Variants in CADPS2 observed in about 807,000 individuals in gnomAD.
The protein encoded by CADPS2 is calcium-dependent secretion activator 2.
In CADPS2, 93 loss-of-function variants were observed where a neutral mutation model predicts 172.5. That is an observed-to-expected ratio of 0.54 (90% CI 0.46 to 0.64). CADPS2 has a LOEUF of 0.64. CADPS2 is among the 30% of genes least tolerant of loss of function. CADPS2 has a pLI of 0.00. For missense variants in CADPS2, 1,420 were observed against 1,565.9 expected, an observed-to-expected ratio of 0.91 and a Z score of 1.57; for synonymous variants, 546 against 555.2, an observed-to-expected ratio of 0.98 and a Z score of 0.23.
chr7:122,640,390 ACT>A (rs1190100111), intron 3 of CADPS2, among the ~76,000 whole-genome samples: 2 of 151,590 alleles, frequency 1.3e-5, no homozygotes, highest in East Asian at 1.9e-4. Flanking sequence ...ATGGTTGGAA[ACT>A]CTGTCACAGT....
chr7:122,695,959 C>G (rs868798254), intron 2 of CADPS2, among the ~76,000 whole-genome samples: 2 of 151,018 alleles, frequency 1.3e-5, no homozygotes, highest in South Asian at 4.3e-4. Context: ...GGAACAAGTA[C>G]CCCACACAAG....
chr7:122,328,104 ACTG>A (rs1655141878), intron 28 of CADPS2, among the ~76,000 whole-genome samples: 2 of 149,852 alleles, frequency 1.3e-5, no homozygotes, highest in Non-Finnish European at 3.0e-5. Flanking sequence ...TCCCATTATG[ACTG>A]CTTTCTTGTA....
chr7:122,680,296 A>G (rs1564047097), intron 2 of CADPS2, among the ~76,000 whole-genome samples: 1 of 152,264 alleles, frequency 6.6e-6, no homozygotes, highest in Non-Finnish European at 1.5e-5. Flanking sequence ...TCTAAAAAAT[A>G]AATTTTGTTA....
chr7:122,588,645 C>G (rs1023877993), intron 6 of CADPS2, among the ~76,000 whole-genome samples: 1 of 151,924 alleles, frequency 6.6e-6, no homozygotes, highest in Non-Finnish European at 1.5e-5. Context: ...AGCATTGATT[C>G]TGATATTCTC....
intron 7 of CADPS2, among the ~76,000 whole-genome samples, chr7:122,571,422 A>G (rs911014023): frequency 6.6e-6 from 1 of 152,166 alleles, no homozygotes; most frequent in Non-Finnish European, 1.5e-5. Context: ...AATCACCTAC[A>G]AAGGACACCA....
intron 1 of CADPS2, among the ~76,000 whole-genome samples, chr7:122,764,468 T>C (rs1173124826): frequency 6.6e-6 from 1 of 151,984 alleles, no homozygotes; most frequent in East Asian, 1.9e-4. Flanking sequence ...ATTGAAAATA[T>C]AATCCTAAAG....
intron 1 of CADPS2, among the ~76,000 whole-genome samples, chr7:122,789,894 T>G (rs1353469628): frequency 6.6e-6 from 1 of 152,098 alleles, no homozygotes; most frequent in Admixed American, 6.5e-5. Context: ...CAAATAAGCA[T>G]GTCATAGAAA....
At chr7:122,503,550 C>G (rs2059386441) in intron 9 of CADPS2, among the ~76,000 whole-genome samples, 1 of 152,124 alleles carries the variant, frequency 6.6e-6, no homozygotes, top group Non-Finnish European at 1.5e-5. Context: ...TATGATTGCT[C>G]TTTCCTATGT....
chr7:122,373,489 G>T (rs780591840), intron 25 of CADPS2, among the ~76,000 whole-genome samples: 2 of 152,092 alleles, frequency 1.3e-5, no homozygotes, highest in Non-Finnish European at 2.9e-5. Context: ...AATCTATCCT[G>T]CCTGTGGACC....
intron 11 of CADPS2, among the ~76,000 whole-genome samples, chr7:122,482,649 G>A (rs2057425004): frequency 6.6e-6 from 1 of 152,146 alleles, no homozygotes. Flanking sequence ...GAAACAAGGT[G>A]AGCCTTACAG....
chr7:122,760,320 T>C (rs909944922), intron 1 of CADPS2, among the ~76,000 whole-genome samples: 9 of 152,128 alleles, frequency 5.9e-5, no homozygotes, highest in Non-Finnish European at 1.5e-5. Flanking sequence ...TAATTATTTA[T>C]AGATATAGTC....
chr7:122,608,677 G>A (rs1299963941), intron 6 of CADPS2, among the ~76,000 whole-genome samples: 4 of 152,058 alleles, frequency 2.6e-5, no homozygotes, highest in African/African-American at 4.8e-5. Flanking sequence ...TTCAGGTGGT[G>A]GGCAGTAGAG....
chr7:122,663,591 A>G (rs2080852606), intron 2 of CADPS2, 22 bp from the exon 3 acceptor site: 2 of 1,528,080 alleles, frequency 1.3e-6, no homozygotes, highest in Admixed American at 2.0e-5. Context: ...ACAAAACAAA[A>G]CAAAACAAAA....
intron 2 of CADPS2, among the ~76,000 whole-genome samples, chr7:122,671,808 G>A (rs1432403953): frequency 2.6e-5 from 4 of 151,702 alleles, no homozygotes; most frequent in Non-Finnish European, 5.9e-5. Context: ...GTATTTAGCA[G>A]AGGAGTAGTG....
At chr7:122,374,786 T>G (rs2042159001) in intron 25 of CADPS2, among the ~76,000 whole-genome samples, 1 of 152,136 alleles carries the variant, frequency 6.6e-6, no homozygotes, top group East Asian at 1.9e-4. Flanking sequence ...GACGAGCTGA[T>G]GGGTGCAACA....
intron 20 of CADPS2, among the ~76,000 whole-genome samples, chr7:122,404,987 T>A (rs2046461827): frequency 6.6e-6 from 1 of 151,326 alleles, no homozygotes; most frequent in African/African-American, 2.4e-5. Flanking sequence ...ATTAGCCAGG[T>A]GTGTGGTGGC....
chr7:122,698,691 C>T (rs1377146879), intron 2 of CADPS2: 1 of 1,613,824 alleles, frequency 6.2e-7, no homozygotes, highest in Non-Finnish European at 8.5e-7. Flanking sequence ...CCTCTGGTGG[C>T]ACTATAACTC....
At chr7:122,428,251 G>A (rs1305370380) in intron 17 of CADPS2, among the ~76,000 whole-genome samples, 3 of 152,010 alleles carry the variant, frequency 2.0e-5, no homozygotes, top group Non-Finnish European at 2.9e-5. Flanking sequence ...GCAATAGTAC[G>A]TAAAAATCAC....
chr7:122,647,685 T>A (rs1371226712), intron 3 of CADPS2, among the ~76,000 whole-genome samples: 1 of 152,236 alleles, frequency 6.6e-6, no homozygotes, highest in Non-Finnish European at 1.5e-5. Context: ...GCATTAAATA[T>A]CACTGATACT....
Sources: gnomAD v4.1 joint callset for allele counts (sites outside exome capture counted in the v4.1 genomes callset) on GRCh38, gnomAD v4.1.1 for gene constraint, MANE v1.5 for transcripts, NCBI Gene and HGNC (gene_info 2026-07-23, HGNC 2026-07-21) for gene names.